PPP1R1C: variants seen among roughly 807,000 people sequenced by gnomAD.
The protein encoded by PPP1R1C is protein phosphatase 1 regulatory subunit 1C.
PPP1R1C carries 15 observed loss-of-function variants against 17.4 expected under a neutral mutation model. The ratio of observed to expected loss-of-function variants is 0.86; its 90% CI spans 0.58 to 1.33. The LOEUF (loss-of-function observed/expected upper bound fraction) is 1.33. Ranked by LOEUF, PPP1R1C falls within the 40% of genes most tolerant of loss-of-function variation. The probability of loss-of-function intolerance (pLI) is 0.00; values close to 1 mark genes in which losing one functional copy is unlikely to be tolerated. For missense variants in PPP1R1C, 143 were observed against 130.0 expected, an observed-to-expected ratio of 1.10 and a Z score of -0.48; for synonymous variants, 35 against 43.1, an observed-to-expected ratio of 0.81 and a Z score of 0.73.
intron 4 of PPP1R1C, among the ~76,000 whole-genome samples, chr2:182,091,425 G>A (rs1374570491): frequency 1.3e-5 from 2 of 152,038 alleles, no homozygotes; most frequent in African/African-American, 4.8e-5. Flanking sequence ...GAGTGAACAG[G>A]CGGTGAGAAA....
chr2:182,070,639 GTT>G, intron 4 of PPP1R1C, among the ~76,000 whole-genome samples: 1 of 152,154 alleles, frequency 6.6e-6, no homozygotes, highest in African/African-American at 2.4e-5. Flanking sequence ...TATGTCTCAT[GTT>G]AGTATGGCAC....
chr2:182,072,024 C>T (rs1402372678), intron 4 of PPP1R1C, among the ~76,000 whole-genome samples: 1 of 152,136 alleles, frequency 6.6e-6, no homozygotes, highest in Non-Finnish European at 1.5e-5. Flanking sequence ...CAGTATTCTA[C>T]AAAATATATG....
At chr2:182,121,467 CT>C (rs1689731019), downstream of PPP1R1C, among the ~76,000 whole-genome samples, 1 of 151,886 alleles carries the variant, frequency 6.6e-6, no homozygotes, top group Non-Finnish European at 1.5e-5. Flanking sequence ...AATCACCCCA[CT>C]TATTTTACTT....
chr2:181,983,750 T>C (rs983046537), upstream of PPP1R1C, among the ~76,000 whole-genome samples: 1 of 152,200 alleles, frequency 6.6e-6, no homozygotes, highest in Non-Finnish European at 1.5e-5. Flanking sequence ...GACATGTAGG[T>C]AGTTATTATG....
chr2:182,028,783 C>T (rs539968548), intron 2 of PPP1R1C, among the ~76,000 whole-genome samples: 152 of 130,124 alleles, frequency 1.2e-3, no homozygotes, highest in African/African-American at 4.1e-3. Context: ...CTTTCTGTCT[C>T]GTTGGTCTGT....
intron 4 of PPP1R1C, among the ~76,000 whole-genome samples, chr2:182,100,417 G>T (rs1217719311): frequency 6.6e-6 from 1 of 151,928 alleles, no homozygotes; most frequent in Non-Finnish European, 1.5e-5. Context: ...GGCTGAGGCA[G>T]GAGAATCGCT....
upstream of PPP1R1C, among the ~76,000 whole-genome samples, chr2:181,981,349 C>G (rs1249964842): frequency 1.3e-5 from 2 of 152,154 alleles, no homozygotes; most frequent in Non-Finnish European, 2.9e-5. Context: ...TGTGGGAATT[C>G]AGATTTTAAT....
intron 5 of PPP1R1C, among the ~76,000 whole-genome samples, chr2:182,124,629 A>G (rs913646676): frequency 6.6e-6 from 1 of 151,998 alleles, no homozygotes; most frequent in African/African-American, 2.4e-5. Flanking sequence ...CGTAAGTTGC[A>G]TTCCTAGGTG....
intron 1 of PPP1R1C, among the ~76,000 whole-genome samples, chr2:181,972,650 C>G (rs545282727): frequency 1.8e-4 from 27 of 152,184 alleles, no homozygotes; most frequent in Middle Eastern, 3.4e-3. Context: ...TGAGTCACTA[C>G]AAGTGACCAT....
intron 1 of PPP1R1C, among the ~76,000 whole-genome samples, chr2:181,968,327 A>G (rs1365888712): frequency 6.6e-6 from 1 of 152,114 alleles, no homozygotes; most frequent in Non-Finnish European, 1.5e-5. Flanking sequence ...ATTAGCATCC[A>G]TCTCTCTCTT....
chr2:182,075,868 C>T (rs576577187), intron 4 of PPP1R1C, among the ~76,000 whole-genome samples: 1 of 152,190 alleles, frequency 6.6e-6, no homozygotes, highest in South Asian at 2.1e-4. Flanking sequence ...CCTCAACTTA[C>T]AGTACTTCTG....
chr2:182,096,451 C>T (rs373562545), intron 4 of PPP1R1C, among the ~76,000 whole-genome samples: 10 of 152,248 alleles, frequency 6.6e-5, no homozygotes, highest in African/African-American at 1.9e-4. Context: ...AGTCCGTACA[C>T]GGCTTTCCAA....
chr2:182,050,972 G>T (rs758031392), intron 2 of PPP1R1C, among the ~76,000 whole-genome samples: 7 of 152,096 alleles, frequency 4.6e-5, no homozygotes, highest in African/African-American at 1.2e-4. Flanking sequence ...AACACATCCT[G>T]CCTTCAGACA....
chr2:182,130,526 G>T (rs1260484325), downstream of PPP1R1C: 1 of 152,116 alleles, frequency 6.6e-6, no homozygotes, highest in Non-Finnish European at 1.5e-5. Context: ...GGAACAACAA[G>T]AACTTAAAAA....
At chr2:182,076,960 G>C (rs1317786640) in intron 4 of PPP1R1C, among the ~76,000 whole-genome samples, 1 of 152,038 alleles carries the variant, frequency 6.6e-6, no homozygotes, top group Admixed American at 6.6e-5. Context: ...AATGGAATTA[G>C]TTTTTCTTTG....
At chr2:181,997,637 A>T (rs970226363) in intron 2 of PPP1R1C, among the ~76,000 whole-genome samples, 1 of 152,230 alleles carries the variant, frequency 6.6e-6, no homozygotes, top group Non-Finnish European at 1.5e-5. Context: ...TATTTTAAAG[A>T]ATAAATTGCA....
chr2:182,103,820 A>C (rs956799201), intron 4 of PPP1R1C: 2 of 152,260 alleles, frequency 1.3e-5, no homozygotes, highest in Non-Finnish European at 2.9e-5. Context: ...GGCCTTCCAC[A>C]GAGTAAGTAG....
At chr2:182,062,192 G>C (rs922028232) in intron 3 of PPP1R1C, among the ~76,000 whole-genome samples, 1 of 152,032 alleles carries the variant, frequency 6.6e-6, no homozygotes, top group South Asian at 2.1e-4. Context: ...AATACTTAAA[G>C]AGAAAAATGT....
chr2:182,003,235 A>T (rs1383726175), intron 2 of PPP1R1C, among the ~76,000 whole-genome samples: 1 of 152,132 alleles, frequency 6.6e-6, no homozygotes, highest in Admixed American at 6.5e-5. Context: ...CTTGTATTTC[A>T]CTACCTTTGC....
Sources: gnomAD v4.1 joint callset for allele counts (sites outside exome capture counted in the v4.1 genomes callset) on GRCh38, gnomAD v4.1.1 for gene constraint, MANE v1.5 for transcripts, NCBI Gene and HGNC (gene_info 2026-07-23, HGNC 2026-07-21) for gene names.